CSMD2: variants seen among roughly 807,000 people sequenced by gnomAD.
CSMD2 encodes the protein CUB and Sushi multiple domains 2.
A neutral mutation model predicts 398.5 loss-of-function variants in CSMD2; 130 were observed. That is an observed-to-expected ratio of 0.33 (90% CI 0.28 to 0.38). The LOEUF is 0.38. Among genes scored for constraint, CSMD2 ranks in the 10% least tolerant of loss-of-function variants. CSMD2 has a pLI of 1.00. For synonymous variants in CSMD2, 1,828 were observed against 1,908.5 expected, an observed-to-expected ratio of 0.96 and a Z score of 1.10; for missense variants, 3,829 against 4,764.9, an observed-to-expected ratio of 0.80 and a Z score of 5.78.
At chr1:33,992,733 C>T (rs917737203) in intron 3 of CSMD2, among the ~76,000 whole-genome samples, 4 of 151,456 alleles carry the variant, frequency 2.6e-5, no homozygotes, top group Middle Eastern at 3.4e-3. Flanking sequence ...AAAAATTAGC[C>T]GGGCGTGGTG....
chr1:33,554,758 A>T (rs1657802063), intron 55 of CSMD2, among the ~76,000 whole-genome samples: 1 of 152,190 alleles, frequency 6.6e-6, no homozygotes, highest in African/African-American at 2.4e-5. Context: ...TGAACATTTT[A>T]AGCCCGCTGT....
chr1:33,945,609 C>A (rs1644815661), intron 3 of CSMD2, among the ~76,000 whole-genome samples: 1 of 152,124 alleles, frequency 6.6e-6, no homozygotes, highest in Non-Finnish European at 1.5e-5. Flanking sequence ...AGCAGGGAGC[C>A]ACATTGCCTC....
At chr1:33,645,890 G>A (rs1191484286) in intron 29 of CSMD2, among the ~76,000 whole-genome samples, 1 of 152,242 alleles carries the variant, frequency 6.6e-6, no homozygotes, top group Non-Finnish European at 1.5e-5. Context: ...GGCAGGGACA[G>A]CCTGTTTTTG....
intron 5 of CSMD2, among the ~76,000 whole-genome samples, chr1:33,858,117 C>A (rs909751087): frequency 2.0e-5 from 3 of 152,188 alleles, no homozygotes; most frequent in African/African-American, 7.2e-5. Context: ...CTGGCTTTGG[C>A]AAGCCTCTGC....
intron 23 of CSMD2, among the ~76,000 whole-genome samples, chr1:33,699,976 G>A (rs2149117898): frequency 6.6e-6 from 1 of 151,772 alleles, no homozygotes; most frequent in African/African-American, 2.4e-5. Flanking sequence ...TCTTTTCAAG[G>A]GTCATCCATG....
chr1:33,748,478 G>T (rs1041210447), intron 13 of CSMD2, among the ~76,000 whole-genome samples: 1 of 152,102 alleles, frequency 6.6e-6, no homozygotes, highest in Non-Finnish European at 1.5e-5. Flanking sequence ...CTTATTAACA[G>T]GTAGATGTGT....
At chr1:33,878,657 C>G (rs111677662) in intron 5 of CSMD2, among the ~76,000 whole-genome samples, 2,032 of 152,332 alleles carry the variant, frequency 0.013, 41 homozygotes, top group African/African-American at 0.045. Flanking sequence ...GCCAAACTCT[C>G]TGTGTCCGAA....
intron 49 of CSMD2, among the ~76,000 whole-genome samples, chr1:33,576,692 C>A (rs553032039): frequency 6.6e-6 from 1 of 152,116 alleles, no homozygotes; most frequent in Non-Finnish European, 1.5e-5. Flanking sequence ...CACGGATGAT[C>A]CTATTTTTAT....
intron 37 of CSMD2, among the ~76,000 whole-genome samples, chr1:33,618,850 G>A (rs1641571200): frequency 6.6e-6 from 1 of 151,958 alleles, no homozygotes; most frequent in African/African-American, 2.4e-5. Flanking sequence ...ACCAAGCCCA[G>A]TCTGACCCCA....
chr1:33,577,590 T>G (rs1638373016), intron 48 of CSMD2, 106 bp from the exon 49 acceptor site: 1 of 925,618 alleles, frequency 1.1e-6, no homozygotes, highest in Admixed American at 2.9e-5. Flanking sequence ...CCCTTGTCTT[T>G]GCCACTGCCA....
In CSMD2 at chr1:34,165,161, A is replaced by C; in HGVS notation, c.-64T>G. 1 of 1,196,892 alleles carries C rather than the reference A, an allele frequency of 8.4e-7. No homozygotes were observed. Among genetic ancestry groups the C allele is most frequent in the Non-Finnish European group, 1.0e-6 (1 of 965,422 alleles). 74.1% of individuals were successfully genotyped at this position (1,196,892 alleles called of 1,614,324 possible). On this transcript the variant is annotated 5_prime_UTR_variant, in exon 1 of 71. Coordinates refer to ENST00000373381, the MANE Select transcript of CSMD2 (RefSeq NM_001281956.2). ...CGCCGAGGAGAAAGGAGGTCAGGAG[A>C]GCTCTGGAGCTTTTTTCTGCTCGGA...
At chr1:33,542,592 A>G in intron 58 of CSMD2, 128 bp downstream of exon 58, 1 of 764,536 alleles carries the variant, frequency 1.3e-6, no homozygotes. Flanking sequence ...TATTCATATG[A>G]TTATCGTTCA....
intron 5 of CSMD2, chr1:33,868,850 GA>G (rs1459634977): frequency 1.3e-5 from 2 of 152,190 alleles, no homozygotes; most frequent in African/African-American, 4.8e-5. Context: ...TGATAGATAG[GA>G]TAGAGGGCAC....
At position 33,519,165 on chromosome 1, in the gene CSMD2, C is replaced by T. The variant is rs554433413; in HGVS notation, c.*53+300G>A. On this transcript the variant is annotated intron_variant, in intron 70 of 70. Coordinates refer to ENST00000373381, the MANE Select transcript of CSMD2 (RefSeq NM_001281956.2). The surrounding 1 kb of genome is among the most constrained non-coding windows in gnomAD (Gnocchi z 5.6). ...AGCCAGTCAGCCTGGGATTGGATTT[C>T]GACCCCACCCCTTCTGAGCTGTGTG... 2.6e-5 allele frequency among the ~76,000 whole-genome samples: 4 copies of T among 152,252 alleles called. No homozygotes were observed. Among genetic ancestry groups the T allele is most frequent in the African/African-American group, 9.6e-5 (4 of 41,540 alleles).
intron 1 of CSMD2, among the ~76,000 whole-genome samples, chr1:34,140,434 T>A (rs984026905): frequency 6.6e-6 from 1 of 151,900 alleles, no homozygotes; most frequent in South Asian, 2.1e-4. Context: ...GCCTGGCAAA[T>A]GTCTAGAGAA....
intron 5 of CSMD2, among the ~76,000 whole-genome samples, chr1:33,886,995 T>G (rs1641643585): frequency 6.6e-6 from 1 of 152,046 alleles, no homozygotes; most frequent in Admixed American, 6.6e-5. Flanking sequence ...TTAAATTTAT[T>G]TAAATACGAC....
intron 39 of CSMD2, 115 bp downstream of exon 39, chr1:33,616,791 A>C: frequency 1.3e-6 from 1 of 768,920 alleles, no homozygotes; most frequent in Non-Finnish European, 2.2e-6. Context: ...CTTGGAACAA[A>C]TCCAGAATAT....
chr1:33,861,844 C>G (rs950594330), intron 5 of CSMD2, among the ~76,000 whole-genome samples: 1 of 152,170 alleles, frequency 6.6e-6, no homozygotes, highest in Non-Finnish European at 1.5e-5. Flanking sequence ...TTATGAGGAC[C>G]AGTGACCTTC....
At chr1:34,102,803 G>T (rs1299280409) in intron 1 of CSMD2, among the ~76,000 whole-genome samples, 4 of 152,182 alleles carry the variant, frequency 2.6e-5, no homozygotes, top group Admixed American at 6.5e-5. Context: ...CCTCCTTGGA[G>T]ACTACCCTAA....
Sources: gnomAD v4.1 joint callset for allele counts (sites outside exome capture counted in the v4.1 genomes callset) on GRCh38, gnomAD v4.1.1 for gene constraint, Gnocchi (gnomAD v3.1) non-coding constraint, MANE v1.5 for transcripts, NCBI Gene and HGNC (gene_info 2026-07-23, HGNC 2026-07-21) for gene names.